CD163L1: variants seen among roughly 807,000 people sequenced by gnomAD.
The protein encoded by CD163L1 is scavenger receptor cysteine-rich type 1 protein M160.
In CD163L1, 124 loss-of-function variants were observed where a neutral mutation model predicts 165.4. The ratio of observed to expected loss-of-function variants is 0.75; its 90% CI spans 0.65 to 0.87. CD163L1 has a LOEUF of 0.87. Ranked by LOEUF, CD163L1 falls within the 40% of genes least tolerant of loss-of-function variation. The pLI, the probability that CD163L1 is intolerant of heterozygous loss-of-function variation, is 0.00. For synonymous variants in CD163L1, 585 were observed against 662.2 expected (o/e 0.88, Z 1.79); for missense variants, 1,525 against 1,799.9 (o/e 0.85, Z 2.76).
At chr12:7,318,890 G>A in the CD163L1 span, among the ~76,000 whole-genome samples, 1 of 152,166 alleles carries the variant, frequency 6.6e-6, no homozygotes, top group Admixed American at 6.5e-5. Context: ...TGACAAGATG[G>A]TTTAAGGCAG....
In CD163L1 at chr12:7,403,737, T is replaced by C; in HGVS notation, c.1206A>G (p.Gln402=). 6.2e-7 allele frequency: 1 copy of C among 1,614,058 alleles called. No homozygotes were observed. Among genetic ancestry groups the C allele is most frequent in the Non-Finnish European group, 8.5e-7 (1 of 1,179,962 alleles). Residue 402 remains glutamine (Q), a synonymous_variant, in exon 6 of 20, where the codon CAA becomes CAG. Transcript: ENST00000313599. Reference sequence around the variant, plus strand: ...CTAGCTGCTTACAAACCACAAGGGCTTGTTCATTCTTCCAGTTCTGGTCAC... The same window carrying C: ...CTAGCTGCTTACAAACCACAAGGGCCTGTTCATTCTTCCAGTTCTGGTCAC... ...TICDQNWKNE[Q]ALVVCKQLGC... is the part of the protein sequence containing the mutation.
intron 18 of CD163L1, among the ~76,000 whole-genome samples, chr12:7,365,289 G>A (rs1946990053): frequency 6.6e-6 from 1 of 152,010 alleles, no homozygotes; most frequent in African/African-American, 2.4e-5. Context: ...ATAACTAAAT[G>A]TAAGACCTGA....
rs1445635040 is a variant in CD163L1 at position 7,374,420 on chromosome 12, G to C, written c.3409+22C>G. The C allele has an allele frequency of 1.9e-6, 3 of 1,589,462 alleles. No individual in the cohort carries two copies. In the African/African-American group the frequency reaches 4.0e-5, roughly 21 times the overall value. ...TGTGTGCACGTGTGTGTAGAGGAGG[G>C]TGAAAAGGTAGCAGCACAGACCTGA... is the stretch of plus-strand genomic sequence containing the variant. On this transcript the variant is annotated intron_variant, in intron 13 of 19. Coordinates refer to ENST00000313599, the MANE Select transcript of CD163L1 (RefSeq NM_174941.6). This position sits in a 1 kb window ranked among gnomAD's most constrained non-coding sequence, Gnocchi z 5.4.
chr12:7,375,052 C>A, intron 11 of CD163L1, 129 bp from the exon 12 acceptor site: 2 of 933,912 alleles, frequency 2.1e-6, no homozygotes, highest in Non-Finnish European at 3.3e-6. Context: ...CTATTGAAAT[C>A]ATTTTTATTA....
intron 5 of CD163L1, 165 bp from the exon 6 acceptor site, chr12:7,404,020 G>C (rs764078895): frequency 3.9e-6 from 2 of 507,842 alleles, no homozygotes; most frequent in South Asian, 1.0e-4. Flanking sequence ...TTTAAAGATT[G>C]AAATTTTAAA....
chr12:7,351,838 G>A (rs1307412630), downstream of CD163L1, among the ~76,000 whole-genome samples: 2 of 152,118 alleles, frequency 1.3e-5, no homozygotes, highest in African/African-American at 4.8e-5. Flanking sequence ...CAAGAATGAT[G>A]TAAATGGGTC....
chr12:7,421,493 A>G (rs1316349402), intron 4 of CD163L1, among the ~76,000 whole-genome samples: 1 of 115,592 alleles, frequency 8.7e-6, no homozygotes, highest in Non-Finnish European at 1.6e-5. Flanking sequence ...ACATATATAC[A>G]TATATGTACA....
At chr12:7,344,896 G>A (rs1483388195), downstream of CD163L1, among the ~76,000 whole-genome samples, 1 of 152,236 alleles carries the variant, frequency 6.6e-6, no homozygotes, top group African/African-American at 2.4e-5. Flanking sequence ...CAGATGTGAG[G>A]AGCAGTGTCC....
the CD163L1 span, among the ~76,000 whole-genome samples, chr12:7,334,264 C>T: frequency 7.2e-5 from 11 of 152,122 alleles, no homozygotes; most frequent in Non-Finnish European, 1.5e-4. Context: ...AAACTGAATC[C>T]AGCAACACAT....
At chr12:7,350,398 AATGTGCAAAT>A (rs1434224521), downstream of CD163L1, among the ~76,000 whole-genome samples, 1 of 152,178 alleles carries the variant, frequency 6.6e-6, no homozygotes, top group African/African-American at 2.4e-5. Flanking sequence ...TCCCAAATGC[AATGTGCAAAT>A]AGCTAAGGAA....
In CD163L1 at chr12:7,373,184, T is replaced by G. The variant is rs1947178600; in HGVS notation, c.3730+136A>C. On this transcript the variant is annotated intron_variant, in intron 14 of 19. Transcript: ENST00000313599. ...TAATAAAATTTCAATATAGAACAGA[T>G]GCGATAAATCAGCACTTATTGTCAT... The G allele has an allele frequency of 4.4e-6, 3 of 676,396 alleles. No individual in the cohort carries two copies. The South Asian group carries it at 6.8e-5, about 15-fold the overall frequency. 41.9% of individuals were successfully genotyped at this position (676,396 alleles called of 1,614,324 possible).
intron 4 of CD163L1, among the ~76,000 whole-genome samples, chr12:7,423,092 A>G (rs1033869878): frequency 2.0e-5 from 3 of 152,134 alleles, no homozygotes; most frequent in African/African-American, 7.2e-5. Flanking sequence ...AACACTCCTC[A>G]GCAAATGCAA....
chr12:7,394,852 A>G lies in CD163L1; in HGVS notation c.2050+1243T>C, dbSNP rs769163685. ...ACAGACACATGAGAAAATGCTCATC[A>G]TCACTGGCCATCCGAGAAATGCAAA... On this transcript the variant is annotated intron_variant, in intron 8 of 19. Coordinates refer to ENST00000313599, the MANE Select transcript of CD163L1 (RefSeq NM_174941.6). Among the ~76,000 whole-genome samples the G allele has an allele frequency of 1.0e-3, 157 of 152,382 alleles. 1 individual carries two copies. The highest frequency in any genetic ancestry group is 2.9e-3 in the African/African-American group (121 of 41,588).
chr12:7,382,254 T>C (rs542720294), intron 8 of CD163L1, among the ~76,000 whole-genome samples: 2 of 151,922 alleles, frequency 1.3e-5, no homozygotes, highest in South Asian at 2.1e-4. Context: ...GAAAGACACA[T>C]TGATATTCAT....
At chr12:7,435,964 T>C (rs957303678) in intron 2 of CD163L1, among the ~76,000 whole-genome samples, 1 of 152,192 alleles carries the variant, frequency 6.6e-6, no homozygotes. Context: ...CAGTTTGATA[T>C]GTTATAAAGC....
chr12:7,320,875 T>A, the CD163L1 span: 3 of 1,320,262 alleles, frequency 2.3e-6, no homozygotes, highest in South Asian at 3.7e-5. Flanking sequence ...TCTCTCTTTT[T>A]CAGCATAGGA....
chr12:7,322,344 G>C, the CD163L1 span: 3 of 1,595,678 alleles, frequency 1.9e-6, no homozygotes, highest in South Asian at 3.3e-5. Context: ...CTTACTGCTT[G>C]AATGTCCTAA....
At chr12:7,399,516 CCTCT>C (rs1344973146) in intron 6 of CD163L1, among the ~76,000 whole-genome samples, 2 of 12,874 alleles carry the variant, frequency 1.6e-4, no homozygotes, top group Non-Finnish European at 3.8e-4. Flanking sequence ...TCCCTCCCTC[CCTCT>C]CTTTCTTTCT....
At chr12:7,324,275 C>A in the CD163L1 span, 20 of 1,611,750 alleles carry the variant, frequency 1.2e-5, no homozygotes, top group Non-Finnish European at 1.7e-5. Flanking sequence ...GTTCCCAGGA[C>A]AATCCACAGA....
Sources: gnomAD v4.1 joint callset for allele counts (sites outside exome capture counted in the v4.1 genomes callset) on GRCh38, gnomAD v4.1.1 for gene constraint, Gnocchi (gnomAD v3.1) non-coding constraint, MANE v1.5 for transcripts, NCBI Gene and HGNC (gene_info 2026-07-23, HGNC 2026-07-21) for gene names.